The following FLT3 variants were observed in gnomAD, a reference collection of about 807,000 sequenced individuals.
FLT3 encodes the protein receptor-type tyrosine-protein kinase FLT3.
In FLT3, 46 loss-of-function variants were observed where a neutral mutation model predicts 126.6. That is an observed-to-expected ratio of 0.36 (90% CI 0.29 to 0.46). The LOEUF (loss-of-function observed/expected upper bound fraction) is 0.46. Ranked by LOEUF, FLT3 falls within the 20% of genes least tolerant of loss-of-function variation. FLT3 has a pLI of 1.00. For missense variants in FLT3, 1,069 were observed against 1,190.3 expected (o/e 0.90, Z 1.50); for synonymous variants, 404 against 434.4 (o/e 0.93, Z 0.87).
At chr13:28,051,219 C>G (rs1181975351) in intron 5 of FLT3, among the ~76,000 whole-genome samples, 1 of 151,878 alleles carries the variant, frequency 6.6e-6, no homozygotes, top group Non-Finnish European at 1.5e-5. Context: ...CATTTTGTCA[C>G]AAGGAATTTC....
chr13:28,073,436 C>T (rs9581971), intron 1 of FLT3: 71,898 of 417,764 alleles, frequency 0.17, 6,813 homozygotes, highest in Middle Eastern at 0.26. Flanking sequence ...GTCCAGCCAT[C>T]TTTGTAATCT....
Position 28,035,526 on chromosome 13 carries a change from T to C in FLT3, c.1566A>G (p.Thr522=). ...VKCCAYNSLG[T]SCETILLNSP... ...AGTTTAAAAGGATCGTCTCACAAGA[T>C]GTGCCAAGGGAATTGTATGCACAGC... is the stretch of plus-strand genomic sequence containing the variant. The change falls in exon 12 of 24, where the codon ACA becomes ACG. Residue 522 remains threonine (T), a synonymous_variant. Coordinates refer to ENST00000241453, the MANE Select transcript of FLT3 (RefSeq NM_004119.3). 6.2e-7 allele frequency: 1 copy of C among 1,614,060 alleles called. No homozygotes were observed. The highest frequency in any genetic ancestry group is 1.1e-5 in the South Asian group (1 of 91,008).
chr13:28,005,390 G>A (rs929660248), intron 23 of FLT3, among the ~76,000 whole-genome samples: 84 of 152,284 alleles, frequency 5.5e-4, no homozygotes, highest in African/African-American at 1.4e-3. Flanking sequence ...AGCTTGCTAT[G>A]CACACACAAT....
intron 12 of FLT3, 65 bp downstream of exon 12, chr13:28,035,430 C>T (rs954683749): frequency 3.4e-6 from 5 of 1,466,116 alleles, no homozygotes; most frequent in African/African-American, 2.8e-5. Context: ...TAAAAGTCAG[C>T]GATGGGGACT....
intron 9 of FLT3, among the ~76,000 whole-genome samples, chr13:28,043,709 G>T (rs1874590533): frequency 6.6e-6 from 1 of 152,212 alleles, no homozygotes; most frequent in African/African-American, 2.4e-5. Flanking sequence ...AAAGACGGGT[G>T]CAGTGGCACA....
intron 1 of FLT3, among the ~76,000 whole-genome samples, chr13:28,078,653 T>C (rs1041617887): frequency 1.3e-5 from 2 of 152,172 alleles, no homozygotes; most frequent in Non-Finnish European, 2.9e-5. Context: ...TTAGGCTCCT[T>C]GCAACTTATG....
rs1879731010 is a variant in FLT3, at chr13:28,100,230, G to C, written c.43+238C>G. 6.6e-6 allele frequency among the ~76,000 whole-genome samples: 1 copy of C among 152,154 alleles called. No individual in the cohort carries two copies. The highest frequency in any genetic ancestry group is 2.1e-4 in the South Asian group (1 of 4,830). ...CCACTCGGGACCGCGGCCCGAGCCA[G>C]AGGAGAGACTTCGGAGAAGAGGGAA... On this transcript the variant is annotated intron_variant, in intron 1 of 23. Coordinates refer to ENST00000241453, the MANE Select transcript of FLT3 (RefSeq NM_004119.3). This position sits in a 1 kb window ranked among gnomAD's most constrained non-coding sequence, Gnocchi z 4.8.
intron 1 of FLT3, among the ~76,000 whole-genome samples, chr13:28,089,402 G>A (rs975154427): frequency 1.3e-5 from 2 of 151,092 alleles, no homozygotes; most frequent in Non-Finnish European, 2.9e-5. Flanking sequence ...ACAAAAACCT[G>A]TATTCAAATA....
At chr13:28,096,254 T>C (rs1217143070) in intron 1 of FLT3, among the ~76,000 whole-genome samples, 1 of 151,898 alleles carries the variant, frequency 6.6e-6, no homozygotes, top group Non-Finnish European at 1.5e-5. Context: ...CTCAGGAGGT[T>C]GAGGTAGGAG....
chr13:28,054,167 T>C (rs1434493129), intron 4 of FLT3, among the ~76,000 whole-genome samples: 1 of 152,142 alleles, frequency 6.6e-6, no homozygotes, highest in African/African-American at 2.4e-5. Context: ...TGATCATTTG[T>C]TTTCCAAAGT....
rs377040701 is a variant in FLT3, at chr13:28,018,640, G to A, written c.2419-51C>T. On this transcript the variant is annotated intron_variant, in intron 19 of 23. Transcript: ENST00000241453. ...ATTTACTGTGATGTGTATTATCCTG[G>A]AGTGCAATCTTTCTTCTAGACTCAA... 6 of 1,595,466 alleles carry A rather than the reference G, an allele frequency of 3.8e-6. No individual in the cohort carries two copies. In the African/African-American group the frequency reaches 6.7e-5, roughly 18 times the overall value.
At position 28,040,963 on chromosome 13, in the gene FLT3, C is replaced by CAA. The variant is rs58959298; in HGVS notation, c.1206-3677_1206-3676dup. ...TAGGCAGCAGAGCAAGACCCGGACT[C>CAA]AAAAAAAAAAAAAAAAATGCTGAGC... On this transcript the variant is annotated intron_variant, in intron 9 of 23. Transcript: ENST00000241453. 9.7e-4 allele frequency among the ~76,000 whole-genome samples: 105 copies of CAA among 108,698 alleles called. 2 individuals carry two copies. Among genetic ancestry groups the CAA allele is most frequent in the Middle Eastern group, 5.1e-3 (1 of 196 alleles). 71.3% of individuals were successfully genotyped at this position (108,698 alleles called of 152,430 possible). A position where few individuals can be genotyped will look rare whatever the true frequency, so the allele number is the denominator to read the frequency against.
intron 1 of FLT3, among the ~76,000 whole-genome samples, chr13:28,078,856 G>A (rs1350066842): frequency 1.3e-5 from 2 of 152,008 alleles, no homozygotes; most frequent in East Asian, 1.9e-4. Context: ...TGGGACTAAA[G>A]GTGCACGCCA....
intron 9 of FLT3, among the ~76,000 whole-genome samples, chr13:28,044,304 G>C (rs1316744248): frequency 6.6e-6 from 1 of 151,814 alleles, no homozygotes; most frequent in African/African-American, 2.4e-5. Flanking sequence ...CAAAAAAATA[G>C]CTGGGCAGGG....
At chr13:28,007,491 C>T (rs1292734756) in intron 23 of FLT3, among the ~76,000 whole-genome samples, 1 of 152,182 alleles carries the variant, frequency 6.6e-6, no homozygotes, top group African/African-American at 2.4e-5. Context: ...AAGTGATCCT[C>T]TCACCTTGGC....
chr13:28,082,308 A>G (rs796941997), intron 1 of FLT3, among the ~76,000 whole-genome samples: 3 of 151,902 alleles, frequency 2.0e-5, no homozygotes, highest in South Asian at 4.2e-4. Context: ...ATACCACCAC[A>G]CTCAGCTAAT....
rs146341559 is a variant in FLT3, at chr13:28,035,654, C to T, written c.1438G>A (p.Glu480Lys). Residue 480 changes from glutamate (E) to lysine (K), a missense_variant, in exon 12 of 24, where the codon GAA becomes AAA. By Grantham distance (56) the Glu-to-Lys change is moderately conservative. Coordinates refer to ENST00000241453, the MANE Select transcript of FLT3 (RefSeq NM_004119.3). ...KSPNCTEEITEGVWNRKANRK... is the reference protein window; with the variant it reads ...KSPNCTEEITKGVWNRKANRK... ...TTAGCCTTTCTATTCCAGACTCCTTCTGTGATCTCTTCTGTGCAGCTGAAA... is the reference window on the plus strand; with the variant it reads ...TTAGCCTTTCTATTCCAGACTCCTTTTGTGATCTCTTCTGTGCAGCTGAAA... The T allele has an allele frequency of 1.1e-5, 18 of 1,613,480 alleles. No individual in the cohort carries two copies. The African/African-American group carries it at 2.3e-4, about 20-fold the overall frequency.
intron 1 of FLT3, among the ~76,000 whole-genome samples, chr13:28,084,601 G>T (rs1329079423): frequency 6.6e-6 from 1 of 151,972 alleles, no homozygotes; most frequent in Non-Finnish European, 1.5e-5. Context: ...TGTAGAGATG[G>T]GGTTTTGCCA....
intron 2 of FLT3, among the ~76,000 whole-genome samples, chr13:28,063,867 C>T (rs1401547977): frequency 6.6e-6 from 1 of 152,114 alleles, no homozygotes; most frequent in African/African-American, 2.4e-5. Context: ...ATTGTAAGTG[C>T]CCTGGAACTT....
Sources: gnomAD v4.1 joint callset for allele counts (sites outside exome capture counted in the v4.1 genomes callset) on GRCh38, gnomAD v4.1.1 for gene constraint, Gnocchi (gnomAD v3.1) non-coding constraint, MANE v1.5 for transcripts, NCBI Gene and HGNC (gene_info 2026-07-23, HGNC 2026-07-21) for gene names.